MAMDC2: variants seen among roughly 807,000 people sequenced by gnomAD.
MAMDC2 encodes MAM domain containing 2, also known as MAM domain-containing protein 2.
Under a neutral mutation model 89.8 loss-of-function variants are expected in MAMDC2, and 57 were observed. That is an observed-to-expected ratio of 0.63 (90% confidence interval 0.51 to 0.79). The LOEUF (loss-of-function observed/expected upper bound fraction) is 0.79. MAMDC2 is among the 30% of genes least tolerant of loss of function. MAMDC2 has a pLI of 0.00. For synonymous variants in MAMDC2, 313 were observed against 293.4 expected, an observed-to-expected ratio of 1.07 and a Z score of -0.68; for missense variants, 800 against 820.6, an observed-to-expected ratio of 0.97 and a Z score of 0.31.
At chr9:70,101,985 C>T (rs1828208855) in intron 2 of MAMDC2, among the ~76,000 whole-genome samples, 1 of 152,164 alleles carries the variant, frequency 6.6e-6, no homozygotes, top group African/African-American at 2.4e-5. Flanking sequence ...TTTTTATGTA[C>T]AACACGGCCA....
At chr9:70,170,906 G>A (rs1435443181) in intron 11 of MAMDC2, 6 of 356,262 alleles carry the variant, frequency 1.7e-5, no homozygotes, top group East Asian at 1.3e-4. Context: ...AGGTCAAAGA[G>A]AGGGACAAAG....
At chr9:70,225,617 T>C (rs912611712) in intron 12 of MAMDC2, 133 bp from the exon 13 acceptor site, 1 of 525,430 alleles carries the variant, frequency 1.9e-6, no homozygotes, top group Admixed American at 3.5e-5. Flanking sequence ...CAATTTGTAA[T>C]TTGGTATCCT....
At chr9:70,170,940 A>C in intron 11 of MAMDC2, 2 of 299,602 alleles carry the variant, frequency 6.7e-6, no homozygotes, top group East Asian at 1.1e-4. Context: ...GGTAATCTAA[A>C]TTGGAGCCAG....
intron 11 of MAMDC2, among the ~76,000 whole-genome samples, chr9:70,199,079 TAA>T (rs1210457555): frequency 6.6e-6 from 1 of 151,866 alleles, no homozygotes. Context: ...TATTATACTT[TAA>T]GTTTTAGGGT....
At position 70,205,338 on chromosome 9, in the gene MAMDC2, C is replaced by T. The variant is rs2033203117; in HGVS notation, c.1652-12999C>T. Among the ~76,000 whole-genome samples, 3 of 152,318 alleles carry T rather than the reference C, an allele frequency of 2.0e-5. No homozygotes were observed. The South Asian group carries it at 6.2e-4, about 32-fold the overall frequency. On this transcript the variant is annotated intron_variant, in intron 11 of 13. Coordinates refer to ENST00000377182, the MANE Select transcript of MAMDC2 (RefSeq NM_153267.5). ...TTAAACAATAACTCCTCATTTATGA[C>T]AGCCTTTTAAAATCACTTAAAAGTA...
At chr9:70,199,150 G>C (rs1223396781) in intron 11 of MAMDC2, among the ~76,000 whole-genome samples, 1 of 146,640 alleles carries the variant, frequency 6.8e-6, no homozygotes, top group Non-Finnish European at 1.5e-5. Flanking sequence ...CTGGTGCGCT[G>C]CACCCACTAA....
Position 70,122,762 on chromosome 9 carries a change from T to C in MAMDC2, c.644-3397T>C, listed in dbSNP as rs559338245. On this transcript the variant is annotated intron_variant, in intron 5 of 13. Coordinates refer to ENST00000377182, the MANE Select transcript of MAMDC2 (RefSeq NM_153267.5). Reference sequence around the variant, plus strand: ...AACTAAAATGTTAAGATTATTTTATTTATTTTTATTTTTTTTATGGAGGAA... The same window carrying C: ...AACTAAAATGTTAAGATTATTTTATCTATTTTTATTTTTTTTATGGAGGAA... Among the ~76,000 whole-genome samples the C allele has an allele frequency of 3.6e-3, 548 of 152,334 alleles. 4 individuals are homozygous for C. The highest frequency in any genetic ancestry group is 0.012 in the African/African-American group (491 of 41,570).
chr9:70,116,444 T>A (rs2029996066), intron 5 of MAMDC2, among the ~76,000 whole-genome samples: 1 of 152,158 alleles, frequency 6.6e-6, no homozygotes, highest in South Asian at 2.1e-4. Flanking sequence ...ATACTTGTGC[T>A]CCAGGCCCAG....
chr9:70,164,335 T>A (rs927648245), intron 9 of MAMDC2, among the ~76,000 whole-genome samples: 1 of 152,234 alleles, frequency 6.6e-6, no homozygotes, highest in Non-Finnish European at 1.5e-5. Flanking sequence ...GAGAGTAAGT[T>A]AAGTAATATT....
At chr9:70,123,729 C>A (rs568795710) in intron 5 of MAMDC2, among the ~76,000 whole-genome samples, 1 of 152,198 alleles carries the variant, frequency 6.6e-6, no homozygotes, top group East Asian at 1.9e-4. Context: ...AAAAGGGGAA[C>A]TTTGGGCACA....
intron 5 of MAMDC2, among the ~76,000 whole-genome samples, chr9:70,118,396 G>T (rs1767856749): frequency 6.6e-6 from 1 of 150,392 alleles, no homozygotes; most frequent in Non-Finnish European, 1.5e-5. Flanking sequence ...ATAGAGGATA[G>T]GGCCAAAAAT....
intron 5 of MAMDC2, among the ~76,000 whole-genome samples, chr9:70,113,350 G>T (rs577110867): frequency 6.6e-6 from 1 of 152,318 alleles, no homozygotes; most frequent in African/African-American, 2.4e-5. Flanking sequence ...CTGTAGCTAA[G>T]GGGAAGGCCA....
At chr9:70,163,507 G>A (rs1401764513) in intron 9 of MAMDC2, among the ~76,000 whole-genome samples, 6 of 152,200 alleles carry the variant, frequency 3.9e-5, no homozygotes, top group African/African-American at 1.4e-4. Context: ...GATTATAGGC[G>A]TGAGCCACTG....
chr9:70,182,889 A>G (rs1587550785), intron 11 of MAMDC2, among the ~76,000 whole-genome samples: 1 of 151,850 alleles, frequency 6.6e-6, no homozygotes, highest in East Asian at 1.9e-4. Flanking sequence ...CTTGTCTTCT[A>G]GCTTTTGAAT....
At chr9:70,116,219 G>A (rs1046383179) in intron 5 of MAMDC2, among the ~76,000 whole-genome samples, 1 of 152,210 alleles carries the variant, frequency 6.6e-6, no homozygotes, top group Non-Finnish European at 1.5e-5. Flanking sequence ...GATGGCAAGA[G>A]GTAGCTGGCT....
At chr9:70,111,527 T>C (rs1828511336) in intron 4 of MAMDC2, among the ~76,000 whole-genome samples, 1 of 152,240 alleles carries the variant, frequency 6.6e-6, no homozygotes, top group Non-Finnish European at 1.5e-5. Flanking sequence ...AATAAGTTAA[T>C]TTATGTAAAG....
chr9:70,185,659 T>G (rs2032739076), intron 11 of MAMDC2, among the ~76,000 whole-genome samples: 1 of 152,188 alleles, frequency 6.6e-6, no homozygotes, highest in Non-Finnish European at 1.5e-5. Context: ...CAGTCTGAAC[T>G]TCCTGGCCTC....
chr9:70,184,660 CTTGA>C (rs1020281863), intron 11 of MAMDC2, among the ~76,000 whole-genome samples: 4 of 151,694 alleles, frequency 2.6e-5, no homozygotes, highest in South Asian at 2.1e-4. Flanking sequence ...CTTTCTTCTG[CTTGA>C]TTGATTTGGC....
chr9:70,132,740 T>C (rs1012127521), intron 7 of MAMDC2, among the ~76,000 whole-genome samples: 26 of 152,036 alleles, frequency 1.7e-4, no homozygotes, highest in African/African-American at 5.3e-4. Context: ...TCCAGGCTGG[T>C]CTTGAACTCT....
Sources: allele counts gnomAD v4.1 joint callset (sites outside exome capture counted in the v4.1 genomes callset), GRCh38; gene constraint gnomAD v4.1.1; transcripts MANE v1.5; gene names NCBI Gene and HGNC (gene_info 2026-07-23, HGNC 2026-07-21).